Variants in ARHGAP28 observed in about 807,000 individuals in gnomAD.
ARHGAP28 encodes the protein rho GTPase-activating protein 28.
ARHGAP28 carries 56 observed loss-of-function variants against 90.7 expected under a neutral mutation model. The ratio of observed to expected loss-of-function variants is 0.62; its 90% confidence interval spans 0.50 to 0.77. The LOEUF (loss-of-function observed/expected upper bound fraction) is 0.77, where lower values mean the gene tolerates loss of function less well. ARHGAP28 is among the 30% of genes least tolerant of loss of function. The pLI is 0.00. For missense variants in ARHGAP28, 869 were observed against 900.9 expected, an observed-to-expected ratio of 0.96 and a Z score of 0.45; for synonymous variants, 308 against 323.3, an observed-to-expected ratio of 0.95 and a Z score of 0.51.
chr18:6,729,960 C>A lies in ARHGAP28; in HGVS notation c.122+17C>A. 7.5e-7 allele frequency: 1 copy of A among 1,334,940 alleles called. No homozygotes were observed. Among genetic ancestry groups the A allele is most frequent in the Non-Finnish European group, 9.6e-7 (1 of 1,047,096 alleles). The allele number at this position is 1,334,940 out of a possible 1,614,324, so 82.7% of individuals were successfully genotyped here. ...GCTCAGCAGGTACCCGGAGCCGCTC[C>A]CACCAGGGCGGCGCAGTCGCGCTGG... is the stretch of plus-strand genomic sequence containing the variant. On this transcript the variant is annotated intron_variant, in intron 1 of 17. Transcript: ENST00000383472.
At chr18:6,796,543 G>A (rs9959053) in intron 1 of ARHGAP28, among the ~76,000 whole-genome samples, 38,053 of 151,720 alleles carry the variant, frequency 0.25, 6,518 homozygotes, top group African/African-American at 0.49. Context: ...TTCAGAAAAG[G>A]TACATTGTCA....
chr18:6,743,391 C>A (rs577064757), intron 1 of ARHGAP28, among the ~76,000 whole-genome samples: 1 of 152,258 alleles, frequency 6.6e-6, no homozygotes, highest in South Asian at 2.1e-4. Context: ...TCTCCCTCAT[C>A]AGACGGCCTG....
intron 1 of ARHGAP28, among the ~76,000 whole-genome samples, chr18:6,771,628 T>C (rs1450211740): frequency 6.6e-6 from 1 of 152,204 alleles, no homozygotes; most frequent in Non-Finnish European, 1.5e-5. Context: ...TAATGAACAT[T>C]CATCAAGGAA....
chr18:6,888,802 G>GTCTC (rs150496048), intron 12 of ARHGAP28, among the ~76,000 whole-genome samples: 226 of 150,226 alleles, frequency 1.5e-3, no homozygotes, highest in African/African-American at 5.2e-3. Context: ...CACATGCACT[G>GTCTC]TCTCTCTCTC....
Position 6,891,241 on chromosome 18 carries a change from A to G in ARHGAP28, c.1848+698A>G, listed in dbSNP as rs2057262905. On this transcript the variant is annotated intron_variant, in intron 14 of 17. Coordinates refer to ENST00000383472, the MANE Select transcript of ARHGAP28 (RefSeq NM_001366230.1). ...GCACCAGGCCAGCTGTGCCAGGGCC[A>G]TGCAGAGGACAAGGAATGTGCTCTA... 1.3e-5 allele frequency among the ~76,000 whole-genome samples: 2 copies of G among 152,214 alleles called. 1 individual carries two copies. Among genetic ancestry groups the G allele is most frequent in the South Asian group, 4.1e-4 (2 of 4,830 alleles).
At chr18:6,856,220 A>AT (rs1015143693) in intron 4 of ARHGAP28, among the ~76,000 whole-genome samples, 2 of 151,918 alleles carry the variant, frequency 1.3e-5, no homozygotes, top group East Asian at 1.9e-4. Flanking sequence ...AGATTTGAAC[A>AT]TTTTTTCTTG....
Position 6,882,132 on chromosome 18 carries a change from T to C in ARHGAP28, c.1291-5T>C, listed in dbSNP as rs756398421. 6.2e-7 allele frequency: 1 copy of C among 1,609,264 alleles called. No individual in the cohort carries two copies. The highest frequency in any genetic ancestry group is 2.2e-5 in the East Asian group (1 of 44,780). ...TGAATACTGACTGTTTTCCTTGATT[T>C]ACAGCAATACCGTGAAGAACTTGAT... On this transcript the variant is annotated splice_region_variant and splice_polypyrimidine_tract_variant and intron_variant, in intron 10 of 17. Coordinates refer to ENST00000383472, the MANE Select transcript of ARHGAP28 (RefSeq NM_001366230.1).
chr18:6,796,306 C>T (rs2056441247), intron 1 of ARHGAP28, among the ~76,000 whole-genome samples: 2 of 152,074 alleles, frequency 1.3e-5, no homozygotes, highest in Admixed American at 1.3e-4. Context: ...CGTATTGAGA[C>T]CACTTGAGCT....
intron 1 of ARHGAP28, among the ~76,000 whole-genome samples, chr18:6,773,435 C>G (rs1333227973): frequency 6.6e-6 from 1 of 152,100 alleles, no homozygotes; most frequent in Non-Finnish European, 1.5e-5. Context: ...TATAGAGGGC[C>G]AAGTATAGGG....
intron 11 of ARHGAP28, among the ~76,000 whole-genome samples, chr18:6,883,470 C>T (rs547001331): frequency 6.6e-6 from 1 of 152,144 alleles, no homozygotes; most frequent in African/African-American, 2.4e-5. Context: ...AACTCCTAGC[C>T]TCAAGTGATC....
At chr18:6,811,624 T>C (rs2056557174) in intron 1 of ARHGAP28, among the ~76,000 whole-genome samples, 1 of 152,188 alleles carries the variant, frequency 6.6e-6, no homozygotes, top group Non-Finnish European at 1.5e-5. Flanking sequence ...AACTTTCGCT[T>C]ACCTTCCTTC....
intron 2 of ARHGAP28, chr18:6,834,363 G>A (rs972419500): frequency 2.0e-5 from 3 of 152,168 alleles, no homozygotes; most frequent in African/African-American, 2.4e-5. Context: ...AGAAAAAGAT[G>A]TAGAAACTGA....
At chr18:6,890,170 G>C in intron 13 of ARHGAP28, 85 bp downstream of exon 13, 1 of 1,451,734 alleles carries the variant, frequency 6.9e-7, no homozygotes, top group Admixed American at 1.8e-5. Context: ...CAACTCCCTT[G>C]GTCATAGGGA....
chr18:6,826,979 T>C (rs543074643), intron 2 of ARHGAP28, among the ~76,000 whole-genome samples: 5 of 152,288 alleles, frequency 3.3e-5, no homozygotes, highest in African/African-American at 1.2e-4. Flanking sequence ...ACACAACACA[T>C]GTTTCAGAGA....
At chr18:6,862,107 A>C (rs1449670821) in intron 5 of ARHGAP28, among the ~76,000 whole-genome samples, 1 of 152,160 alleles carries the variant, frequency 6.6e-6, no homozygotes, top group Non-Finnish European at 1.5e-5. Flanking sequence ...AGAAAAGGTA[A>C]ACAAAATGAT....
intron 1 of ARHGAP28, among the ~76,000 whole-genome samples, chr18:6,801,557 G>T (rs1427918517): frequency 6.6e-6 from 1 of 151,840 alleles, no homozygotes; most frequent in African/African-American, 2.4e-5. Context: ...ATTTTGGTAG[G>T]GATTTCATTT....
chr18:6,828,315 C>G (rs1042261258), intron 2 of ARHGAP28, among the ~76,000 whole-genome samples: 12 of 152,056 alleles, frequency 7.9e-5, no homozygotes, highest in African/African-American at 2.7e-4. Flanking sequence ...AGTCCAGCTT[C>G]GGCTCGGCAT....
In ARHGAP28 at chr18:6,841,501, T is replaced by A. The variant is rs1031028098; in HGVS notation, c.543+4087T>A. ...ACTTATATCTTTATATTGTATAAAATACTTATAAAGATATAAGTATTTATC... is the reference window on the plus strand; with the variant it reads ...ACTTATATCTTTATATTGTATAAAAAACTTATAAAGATATAAGTATTTATC... On this transcript the variant is annotated intron_variant, in intron 3 of 17. Transcript: ENST00000383472. Among the ~76,000 whole-genome samples, 70 of 151,674 alleles carry A rather than the reference T, an allele frequency of 4.6e-4. 1 individual carries two copies. Among genetic ancestry groups the A allele is most frequent in the African/African-American group, 1.5e-3 (64 of 41,446 alleles).
intron 1 of ARHGAP28, among the ~76,000 whole-genome samples, chr18:6,753,843 G>C (rs1010525068): frequency 3.3e-5 from 5 of 152,158 alleles, no homozygotes; most frequent in African/African-American, 1.2e-4. Flanking sequence ...GCCCATAAGA[G>C]ACAGAAGAGG....
Sources: allele counts gnomAD v4.1 joint callset (sites outside exome capture counted in the v4.1 genomes callset), GRCh38; gene constraint gnomAD v4.1.1; transcripts MANE v1.5; gene names NCBI Gene and HGNC (gene_info 2026-07-23, HGNC 2026-07-21).